The following TRMT11 variants were observed in gnomAD, a reference collection of about 807,000 sequenced individuals.
TRMT11 encodes tRNA methyltransferase 11, also known as tRNA (guanine(10)-N(2))-methyltransferase TRMT11.
A neutral mutation model predicts 62.8 loss-of-function variants in TRMT11; 53 were observed. The observed-to-expected ratio is 0.84, with a 90% CI of 0.68 to 1.06. The LOEUF is 1.06. TRMT11 is among the 50% of genes least tolerant of loss of function. The pLI is 0.00. For missense variants in TRMT11, 556 were observed against 553.4 expected (o/e 1.00, Z -0.05); for synonymous variants, 188 against 190.3 (o/e 0.99, Z 0.10).
At chr6:126,064,327 C>G (rs1776624512) in intron 17 of TRMT11, among the ~76,000 whole-genome samples, 1 of 152,152 alleles carries the variant, frequency 6.6e-6, no homozygotes, top group Non-Finnish European at 1.5e-5. Context: ...AACCACAGCT[C>G]TGTGGACCCC....
chr6:126,124,255 G>A (rs956562395), intron 21 of TRMT11, among the ~76,000 whole-genome samples: 1 of 151,984 alleles, frequency 6.6e-6, no homozygotes, highest in African/African-American at 2.4e-5. Context: ...TTTTCTCTTG[G>A]GTCCGTTAGT....
At chr6:125,993,948 GGA>G in intron 2 of TRMT11, 126 bp downstream of exon 2, 1 of 497,564 alleles carries the variant, frequency 2.0e-6, no homozygotes, top group Non-Finnish European at 3.5e-6. Context: ...AAGAGGCAGT[GGA>G]ATAAAGTGGA....
chr6:126,005,529 G>T (rs1014541906), intron 7 of TRMT11, among the ~76,000 whole-genome samples: 1 of 151,852 alleles, frequency 6.6e-6, no homozygotes, highest in African/African-American at 2.4e-5. Context: ...AACTGTAATG[G>T]TTATCATTAT....
At chr6:126,114,213 A>T (rs1005272823) in intron 18 of TRMT11, among the ~76,000 whole-genome samples, 3 of 152,070 alleles carry the variant, frequency 2.0e-5, no homozygotes, top group African/African-American at 7.2e-5. Context: ...ATTTCTTAAT[A>T]CGGGTCGCAG....
At chr6:126,009,171 T>G (rs1793812780) in intron 8 of TRMT11, among the ~76,000 whole-genome samples, 1 of 151,970 alleles carries the variant, frequency 6.6e-6, no homozygotes, top group Non-Finnish European at 1.5e-5. Context: ...ATCACCAAAA[T>G]TATTCACTAA....
At position 126,082,208 on chromosome 6, in the gene TRMT11, A is replaced by C. The variant is rs370491022; in HGVS notation, c.*1437+29018A>C. ...ATTATGCCGATACCACCGAAAGTGG[A>C]CAGCTCCATTGTTACAGCCTTAGGG... On this transcript the variant is annotated intron_variant and NMD_transcript_variant, in intron 17 of 22. Coordinates refer to the TRMT11 transcript ENST00000648977. Among the ~76,000 whole-genome samples the C allele has an allele frequency of 3.3e-5, 5 of 152,280 alleles. No individual in the cohort carries two copies. In the East Asian group the frequency reaches 5.8e-4, roughly 18 times the overall value.
the TRMT11 span, among the ~76,000 whole-genome samples, chr6:126,214,522 G>A: frequency 1.2e-3 from 188 of 151,920 alleles, 2 homozygotes; most frequent in East Asian, 0.035. Flanking sequence ...TTATTGGCAC[G>A]TAGTTGCTCA....
the TRMT11 span, among the ~76,000 whole-genome samples, chr6:126,209,756 A>G: frequency 3.3e-5 from 5 of 151,940 alleles, no homozygotes; most frequent in African/African-American, 9.7e-5. Flanking sequence ...CAAAACAACA[A>G]CAACAACAAA....
intron 6 of TRMT11, among the ~76,000 whole-genome samples, chr6:125,999,031 G>T (rs530755939): frequency 6.7e-6 from 1 of 150,034 alleles, no homozygotes; most frequent in South Asian, 2.1e-4. Flanking sequence ...AATCTCATTT[G>T]TGGAGATTCC....
chr6:126,132,887 C>A (rs1394969374), intron 21 of TRMT11, among the ~76,000 whole-genome samples: 1 of 152,000 alleles, frequency 6.6e-6, no homozygotes, highest in Non-Finnish European at 1.5e-5. Context: ...CAAATGTTTT[C>A]TTTCAACCAA....
the TRMT11 span, among the ~76,000 whole-genome samples, chr6:126,217,440 C>T: frequency 9.2e-5 from 14 of 152,296 alleles, no homozygotes; most frequent in South Asian, 2.9e-3. Flanking sequence ...ATCACTGTGG[C>T]AGTATCTGCA....
chr6:126,097,164 G>T (rs1777350030), intron 17 of TRMT11, among the ~76,000 whole-genome samples: 2 of 152,132 alleles, frequency 1.3e-5, no homozygotes, highest in African/African-American at 2.4e-5. Context: ...GGAGTTTTCT[G>T]ATAGTATTGT....
At chr6:126,117,504 C>T (rs1273405414) in intron 21 of TRMT11, among the ~76,000 whole-genome samples, 1 of 152,072 alleles carries the variant, frequency 6.6e-6, no homozygotes, top group Non-Finnish European at 1.5e-5. Context: ...AATCATCCTT[C>T]TCTCACGTTG....
At chr6:126,151,862 C>CTTTCTTTCTTTCTTTCTTTCTTTA (rs1562334839) in intron 21 of TRMT11, among the ~76,000 whole-genome samples, 1 of 112,938 alleles carries the variant, frequency 8.9e-6, no homozygotes, top group Non-Finnish European at 1.8e-5. Flanking sequence ...TTCTTTCTTT[C>CTTTCTTTCTTTCTTTCTTTCTTTA]TTTCCTTCTT....
At chr6:126,025,455 GCCTCAA>G (rs1268238618) in intron 12 of TRMT11, among the ~76,000 whole-genome samples, 4 of 152,078 alleles carry the variant, frequency 2.6e-5, no homozygotes, top group Non-Finnish European at 5.9e-5. Context: ...ACAAGGAAAA[GCCTCAA>G]GTAATTTTTT....
chr6:126,124,991 G>A (rs1293915560), intron 21 of TRMT11, among the ~76,000 whole-genome samples: 1 of 152,010 alleles, frequency 6.6e-6, no homozygotes, highest in Non-Finnish European at 1.5e-5. Flanking sequence ...GGGTAGGGAG[G>A]GATCAGGACA....
At chr6:126,265,697 A>G in the TRMT11 span, among the ~76,000 whole-genome samples, 6 of 152,178 alleles carry the variant, frequency 3.9e-5, no homozygotes, top group African/African-American at 1.4e-4. Flanking sequence ...TGGACAAAAA[A>G]TGGACCAGGC....
At chr6:126,095,990 C>G (rs2128173200) in intron 17 of TRMT11, among the ~76,000 whole-genome samples, 1 of 152,292 alleles carries the variant, frequency 6.6e-6, no homozygotes, top group South Asian at 2.1e-4. Context: ...AGAGGTAACA[C>G]TGGAGTCACA....
chr6:126,214,465 G>GGCTGTATGT, the TRMT11 span, among the ~76,000 whole-genome samples: 1 of 151,892 alleles, frequency 6.6e-6, no homozygotes, highest in East Asian at 1.9e-4. Context: ...AATACTGGTA[G>GGCTGTATGT]GCTGTATGTG....
Sources: allele counts gnomAD v4.1 joint callset (sites outside exome capture counted in the v4.1 genomes callset), GRCh38; gene constraint gnomAD v4.1.1; transcripts MANE v1.5; gene names NCBI Gene and HGNC (gene_info 2026-07-23, HGNC 2026-07-21).